Variants in GCFC2 observed in about 807,000 individuals in gnomAD.
GCFC2 encodes the protein intron Large complex component GCFC2.
GCFC2 carries 102 observed loss-of-function variants against 99.4 expected under a neutral mutation model. That is an observed-to-expected ratio of 1.03 (90% confidence interval 0.87 to 1.21). The LOEUF (loss-of-function observed/expected upper bound fraction) is 1.21, where lower values mean the gene tolerates loss of function less well. Among genes scored for constraint, GCFC2 ranks in the 50% most tolerant of loss-of-function variants. The pLI, the probability that GCFC2 is intolerant of heterozygous loss-of-function variation, is 0.00. For synonymous variants in GCFC2, 338 were observed against 316.8 expected (o/e 1.07, Z -0.71); for missense variants, 973 against 920.9 (o/e 1.06, Z -0.73).
At chr2:75,672,130 T>C (rs1679116258) in intron 13 of GCFC2, 114 bp from the exon 14 acceptor site, 1 of 264,932 alleles carries the variant, frequency 3.8e-6, no homozygotes, top group Non-Finnish European at 7.5e-6. Flanking sequence ...CTTAATGGAA[T>C]ATAAATAGAG....
Position 75,710,809 on chromosome 2 carries a change from G to T in GCFC2, c.47C>A (p.Ser16Tyr). The change falls in exon 1 of 17, where the codon TCC becomes TAC. Residue 16 changes from serine (S) to tyrosine (Y), a missense_variant. Ser to Tyr is a moderately radical substitution (Grantham distance 144). Transcript: ENST00000321027. ...CTCCTCGGCGCCATCGCTGTCGCTG[G>T]AATCAGCCGCGCGCTGCCGAAAAGT... The part of the protein sequence containing the change: ...KRTFRQRAAD[S>Y]SDSDGAEESP... The T allele has an allele frequency of 6.3e-7, 1 of 1,578,748 alleles. No homozygotes were observed. Among genetic ancestry groups the T allele is most frequent in the East Asian group, 2.4e-5 (1 of 41,860 alleles).
At chr2:75,702,716 A>AG (rs751019011) in intron 2 of GCFC2, among the ~76,000 whole-genome samples, 6 of 152,192 alleles carry the variant, frequency 3.9e-5, no homozygotes, top group Admixed American at 2.0e-4. Flanking sequence ...CACTTTGTTG[A>AG]GGGGTCGCTA....
intron 1 of GCFC2, among the ~76,000 whole-genome samples, chr2:75,707,946 C>T (rs1680947076): frequency 1.3e-5 from 2 of 152,070 alleles, no homozygotes; most frequent in Admixed American, 1.3e-4. Context: ...TAAATTTTGA[C>T]CCTTGAGTAC....
At position 75,710,636 on chromosome 2, in the gene GCFC2, A is replaced by G. The variant is rs1487070356; in HGVS notation, c.220T>C (p.Ser74Pro). ...PRGRGRVWAS[S>P]RRATKAAPRA... Reference sequence around the variant, plus strand: ...GGAGCCGCTTTGGTGGCACGCCGGGAGCTCGCCCAGACCCGGCCCCGGCCA... The same window carrying G: ...GGAGCCGCTTTGGTGGCACGCCGGGGGCTCGCCCAGACCCGGCCCCGGCCA... The change falls in exon 1 of 17, where the codon TCC (serine) becomes CCC (proline). Residue 74 changes from serine to proline, a missense_variant. By Grantham distance (74) the Ser-to-Pro change is moderately conservative (BLOSUM62 -1). Transcript: ENST00000321027. 6.6e-7 allele frequency: 1 copy of G among 1,517,402 alleles called. No homozygotes were observed. Among genetic ancestry groups the G allele is most frequent in the Non-Finnish European group, 8.8e-7 (1 of 1,139,584 alleles). 94.0% of individuals were successfully genotyped at this position (1,517,402 alleles called of 1,614,324 possible).
At chr2:75,687,032 T>C (rs1383593508) in intron 11 of GCFC2, among the ~76,000 whole-genome samples, 1 of 152,110 alleles carries the variant, frequency 6.6e-6, no homozygotes, top group Non-Finnish European at 1.5e-5. Flanking sequence ...CCTCCCAGGT[T>C]TAAGCAATTC....
At chr2:75,673,177 G>A (rs1034377456) in intron 13 of GCFC2, among the ~76,000 whole-genome samples, 6 of 152,116 alleles carry the variant, frequency 3.9e-5, no homozygotes, top group Non-Finnish European at 5.9e-5. Context: ...GGGCGTGGTG[G>A]CGGGCGCCTG....
chr2:75,684,259 T>C (rs6547017), intron 11 of GCFC2, among the ~76,000 whole-genome samples: 129,966 of 152,164 alleles, frequency 0.85, 55,981 homozygotes, highest in African/African-American at 0.96. Flanking sequence ...TGCAAAAGAA[T>C]GGAAATCATA....
intron 12 of GCFC2, among the ~76,000 whole-genome samples, chr2:75,678,458 T>C (rs1371765062): frequency 2.0e-5 from 3 of 152,140 alleles, no homozygotes; most frequent in Non-Finnish European, 2.9e-5. Context: ...AGAAAATGCC[T>C]CTCTCTCTGT....
At position 75,666,003 on chromosome 2, in the gene GCFC2, T is replaced by TA; in HGVS notation, c.2153_2154insT (p.Ser719IlefsTer18). 6.2e-7 allele frequency: 1 copy of TA among 1,603,880 alleles called. No individual in the cohort carries two copies. Among genetic ancestry groups the TA allele is most frequent in the Non-Finnish European group, 8.5e-7 (1 of 1,171,378 alleles). On this transcript the variant is annotated frameshift_variant, in exon 16 of 17. Coordinates refer to ENST00000321027, the MANE Select transcript of GCFC2 (RefSeq NM_003203.5). LOFTEE classifies it high-confidence loss of function. ...TGAAGTTTTCTAGCTGTGGAATAGA[T>TA]GTCCTCATGGCAGAATTTTCAAACC...
chr2:75,688,757 C>T (rs1207346227), intron 10 of GCFC2, among the ~76,000 whole-genome samples: 1 of 151,800 alleles, frequency 6.6e-6, no homozygotes, highest in East Asian at 1.9e-4. Flanking sequence ...GTACCTTATA[C>T]TTTCTGGGAG....
chr2:75,711,195 T>A (rs1681169058), upstream of GCFC2: 40 of 985,208 alleles, frequency 4.1e-5, no homozygotes, highest in Non-Finnish European at 4.7e-5. Context: ...CATCCAGAAA[T>A]CAAGCGTTAT....
chr2:75,689,204 T>C lies in GCFC2; in HGVS notation c.1361A>G (p.Lys454Arg). 6.3e-7 allele frequency: 1 copy of C among 1,592,042 alleles called. No individual in the cohort carries two copies. Among genetic ancestry groups the C allele is most frequent in the Non-Finnish European group, 8.6e-7 (1 of 1,163,572 alleles). ...ATCTTGCACTTCTTCAAAAACTTTC[T>C]TCTGTTTCTGTAAAATGTCACCTGT... The part of the protein sequence containing the change: ...KSQGDILQKQ[K>R]KVFEEVQDDF... Residue 454 changes from lysine (K) to arginine (R), a missense_variant, in exon 10 of 17, where the codon AAG becomes AGG. Physicochemically the swap from Lys to Arg is conservative, Grantham distance 26 (BLOSUM62 2). Coordinates refer to ENST00000321027, the MANE Select transcript of GCFC2 (RefSeq NM_003203.5).
chr2:75,700,509 G>A (rs72918112), intron 4 of GCFC2, among the ~76,000 whole-genome samples: 8,692 of 152,048 alleles, frequency 0.057, 463 homozygotes, highest in East Asian at 0.15. Flanking sequence ...CTGTTGTATT[G>A]TGAAGTGAAA....
intron 4 of GCFC2, among the ~76,000 whole-genome samples, chr2:75,700,444 C>T (rs1209791981): frequency 6.6e-6 from 1 of 151,812 alleles, no homozygotes; most frequent in Non-Finnish European, 1.5e-5. Context: ...CACTAGATTG[C>T]TATGAAATCA....
At position 75,694,379 on chromosome 2, in the gene GCFC2, T is replaced by C; in HGVS notation, c.882A>G (p.Glu294=). 2.6e-6 allele frequency: 4 copies of C among 1,535,188 alleles called. No individual in the cohort carries two copies. The highest frequency in any genetic ancestry group is 2.7e-6 in the Non-Finnish European group (3 of 1,127,256). The change falls in exon 6 of 17, where the codon GAA becomes GAG. Residue 294 remains glutamate (E), a synonymous_variant. Transcript: ENST00000321027. The stretch of plus-strand genomic sequence containing the variant: ...AGCTTTTGACATCTTGTACGTATTT[T>C]TCATACTCCCTCAGGTGTGAGCGGT... ...ETHRSHLREY[E]KYVQDVKSSK...
intron 11 of GCFC2, among the ~76,000 whole-genome samples, chr2:75,683,900 G>A (rs927196337): frequency 1.3e-5 from 2 of 152,020 alleles, no homozygotes; most frequent in Non-Finnish European, 2.9e-5. Context: ...ATGGTGAAGG[G>A]ATCAGTGCAA....
chr2:75,681,994 G>A (rs1268315373), intron 11 of GCFC2, among the ~76,000 whole-genome samples: 1 of 152,050 alleles, frequency 6.6e-6, no homozygotes, highest in Middle Eastern at 3.4e-3. Flanking sequence ...AGCACCTGGG[G>A]AAAGGGGTGG....
At chr2:75,667,350 G>C (rs1041939160) in intron 15 of GCFC2, among the ~76,000 whole-genome samples, 4 of 151,974 alleles carry the variant, frequency 2.6e-5, no homozygotes, top group African/African-American at 9.7e-5. Flanking sequence ...GCTACATTTG[G>C]TAACATCAAG....
chr2:75,706,034 A>G (rs1422155111), intron 2 of GCFC2, among the ~76,000 whole-genome samples: 1 of 152,230 alleles, frequency 6.6e-6, no homozygotes, highest in Non-Finnish European at 1.5e-5. Context: ...AAAAACATTC[A>G]TGTCATCTGT....
Sources: gnomAD v4.1 joint callset for allele counts (sites outside exome capture counted in the v4.1 genomes callset) on GRCh38, gnomAD v4.1.1 for gene constraint, MANE v1.5 for transcripts, NCBI Gene and HGNC (gene_info 2026-07-23, HGNC 2026-07-21) for gene names.